The following MAOB variants were observed in gnomAD, a reference collection of about 807,000 sequenced individuals.
MAOB encodes the protein amine oxidase [flavin-containing] B.
A neutral mutation model predicts 41.9 loss-of-function variants in MAOB; 15 were observed. The ratio of observed to expected loss-of-function variants is 0.36; its 90% confidence interval spans 0.24 to 0.55. The LOEUF is 0.55. Among genes scored for constraint, MAOB ranks in the 20% least tolerant of loss-of-function variants. The pLI, the probability that MAOB is intolerant of heterozygous loss-of-function variation, is 0.86. For synonymous variants in MAOB, 167 were observed against 144.2 expected (o/e 1.16, Z -1.13); for missense variants, 345 against 398.7 (o/e 0.87, Z 1.15).
intron 12 of MAOB, among the ~76,000 whole-genome samples, chrX:43,774,470 A>T (rs1343612279): frequency 9.0e-6 from 1 of 111,477 alleles, no homozygotes; most frequent in Non-Finnish European, 1.9e-5. Flanking sequence ...ATCAAAAAAT[A>T]AAAAAAACTC....
intron 11 of MAOB, among the ~76,000 whole-genome samples, chrX:43,777,811 T>G (rs1601965764): frequency 8.9e-6 from 1 of 112,408 alleles, no homozygotes; most frequent in East Asian, 2.8e-4. Flanking sequence ...CTTCAAATGC[T>G]TCACAGATAA....
intron 1 of MAOB, 55 bp downstream of exon 1, chrX:43,882,199 G>C (rs1435921658): frequency 8.4e-7 from 1 of 1,194,574 alleles, no homozygotes; most frequent in Non-Finnish European, 1.1e-6. Flanking sequence ...TCTCCCCCAG[G>C]CAGCCACCTG....
At chrX:43,770,486 G>A (rs977982782) in intron 12 of MAOB, among the ~76,000 whole-genome samples, 14 of 111,823 alleles carry the variant, frequency 1.3e-4, no homozygotes, top group Non-Finnish European at 2.4e-4. Flanking sequence ...ATTTGCTCTC[G>A]GTCACAGCTA....
rs144439002 is a variant in MAOB at position 43,782,279 on chromosome X, T to C, written c.929-735A>G. ...AGAAAAGAAAGAAGAATCAAATAGA[T>C]GCAATAAAAAATGATAAAGGGGATA... is the stretch of plus-strand genomic sequence containing the variant. On this transcript the variant is annotated intron_variant, in intron 8 of 14. Coordinates refer to ENST00000378069, the MANE Select transcript of MAOB (RefSeq NM_000898.5). Among the ~76,000 whole-genome samples, 630 of 109,823 alleles carry C rather than the reference T, an allele frequency of 5.7e-3. 3 individuals carry two copies. Among genetic ancestry groups the C allele is most frequent in the African/African-American group, 0.02 (592 of 30,145 alleles).
Position 43,848,159 on chromosome X carries a change from A to T in MAOB, c.47-4395T>A, listed in dbSNP as rs778465445. On this transcript the variant is annotated intron_variant, in intron 1 of 14. Coordinates refer to ENST00000378069, the MANE Select transcript of MAOB (RefSeq NM_000898.5). The stretch of plus-strand genomic sequence containing the variant: ...TGCTGTGGGAGACTGGGAAATACAC[A>T]GTGGCAGTAACACAGAAGTGCCCTC... Among the ~76,000 whole-genome samples the T allele has an allele frequency of 1.7e-4, 19 of 111,546 alleles. 1 individual carries two copies. In the Admixed American group the frequency reaches 1.8e-3, roughly 11 times the overall value.
chrX:43,857,114 TATAGAGAGAGAGAG>T (rs1457885014), intron 1 of MAOB, among the ~76,000 whole-genome samples: 82 of 11,445 alleles, frequency 7.2e-3, no homozygotes, highest in African/African-American at 0.019. Flanking sequence ...TATATATATA[TATAGAGAGAGAGAG>T]AGAGAGAGAG....
Position 43,840,075 on chromosome X carries a change from T to C in MAOB, c.142-1070A>G, listed in dbSNP as rs1569226904. On this transcript the variant is annotated intron_variant, in intron 2 of 14. Coordinates refer to ENST00000378069, the MANE Select transcript of MAOB (RefSeq NM_000898.5). ...ATACGACAAAGGTAAAAAGAGATAT[T>C]TGAGGAACACATAATGGCAAAAACA... 3.6e-5 allele frequency among the ~76,000 whole-genome samples: 4 copies of C among 112,058 alleles called. No homozygotes were observed. In the South Asian group the frequency reaches 1.5e-3, roughly 42 times the overall value.
intron 2 of MAOB, among the ~76,000 whole-genome samples, chrX:43,843,296 G>T (rs765102658): frequency 2.8e-5 from 3 of 108,190 alleles, no homozygotes; most frequent in Non-Finnish European, 5.7e-5. Context: ...AGGAAGCATC[G>T]AAGTTAGGAG....
intron 14 of MAOB, among the ~76,000 whole-genome samples, chrX:43,768,299 A>G (rs1370797524): frequency 1.8e-5 from 2 of 111,692 alleles, no homozygotes; most frequent in African/African-American, 6.6e-5. Flanking sequence ...AGGAGATGCT[A>G]ACACACTTTC....
chrX:43,812,923 C>A (rs1601997475), intron 3 of MAOB, among the ~76,000 whole-genome samples: 1 of 111,680 alleles, frequency 9.0e-6, no homozygotes, highest in Non-Finnish European at 1.9e-5. Flanking sequence ...TGAAGCCCTG[C>A]AAGAATAATA....
At chrX:43,831,641 AT>A (rs1444641585) in intron 3 of MAOB, among the ~76,000 whole-genome samples, 6 of 111,249 alleles carry the variant, frequency 5.4e-5, no homozygotes, top group African/African-American at 1.6e-4. Flanking sequence ...AAATATGAGA[AT>A]TGAATCATAT....
intron 3 of MAOB, among the ~76,000 whole-genome samples, chrX:43,815,713 A>G (rs1322033117): frequency 8.9e-6 from 1 of 111,942 alleles, no homozygotes; most frequent in Non-Finnish European, 1.9e-5. Context: ...CTTGATGACA[A>G]CACCAAGTGT....
chrX:43,822,991 A>T (rs1178865610), intron 3 of MAOB, among the ~76,000 whole-genome samples: 1 of 109,610 alleles, frequency 9.1e-6, no homozygotes, highest in African/African-American at 3.3e-5. Context: ...TATCTCCCTC[A>T]ACAACCCTAT....
chrX:43,768,532 G>T, intron 14 of MAOB, 122 bp downstream of exon 14: 1 of 544,391 alleles, frequency 1.8e-6, no homozygotes. Flanking sequence ...AAACATTCAT[G>T]TTTAAATCAC....
chrX:43,769,527 A>G, intron 12 of MAOB, 109 bp from the exon 13 acceptor site: 1 of 1,032,897 alleles, frequency 9.7e-7, no homozygotes, highest in South Asian at 3.0e-5. Context: ...AACAATCAAG[A>G]AGGACATTGG....
chrX:43,878,296 T>C (rs1039812246), intron 1 of MAOB, among the ~76,000 whole-genome samples: 3 of 110,897 alleles, frequency 2.7e-5, no homozygotes, highest in Non-Finnish European at 5.7e-5. Context: ...CGCTGGAGTA[T>C]AATGGCATGA....
intron 3 of MAOB, among the ~76,000 whole-genome samples, chrX:43,811,416 CCTTCTAA>C (rs1160521122): frequency 9.0e-6 from 1 of 111,272 alleles, no homozygotes; most frequent in Non-Finnish European, 1.9e-5. Context: ...GGAACCTTGC[CCTTCTAA>C]CTGTTGGGAG....
rs184796311 is a variant in MAOB at position 43,845,962 on chromosome X, T to C, written c.47-2198A>G. Among the ~76,000 whole-genome samples, 399 of 112,013 alleles carry C rather than the reference T, an allele frequency of 3.6e-3. 3 individuals carry two copies. Among genetic ancestry groups the C allele is most frequent in the African/African-American group, 0.012 (384 of 30,866 alleles). On this transcript the variant is annotated intron_variant, in intron 1 of 14. Transcript: ENST00000378069. Reference sequence around the variant, plus strand: ...CTTCCAGTTGCTGATGGGATAACAGTTCCAAAGTCCATGAACCCCATGCAG... The same window carrying C: ...CTTCCAGTTGCTGATGGGATAACAGCTCCAAAGTCCATGAACCCCATGCAG...
At chrX:43,821,950 T>C (rs1257157474) in intron 3 of MAOB, among the ~76,000 whole-genome samples, 2 of 112,344 alleles carry the variant, frequency 1.8e-5, no homozygotes, top group African/African-American at 3.2e-5. Flanking sequence ...TTAAATTACA[T>C]GCCCAAGGTC....
Sources: gnomAD v4.1 joint callset for allele counts (sites outside exome capture counted in the v4.1 genomes callset) on GRCh38, gnomAD v4.1.1 for gene constraint, MANE v1.5 for transcripts, NCBI Gene and HGNC (gene_info 2026-07-23, HGNC 2026-07-21) for gene names.